CCDC3: variants seen among roughly 807,000 people sequenced by gnomAD.
The protein encoded by CCDC3 is coiled-coil domain-containing protein 3.
Under a neutral mutation model 21.4 loss-of-function variants are expected in CCDC3, and 24 were observed. The observed-to-expected ratio is 1.12, with a 90% CI of 0.81 to 1.58. CCDC3 has a LOEUF of 1.58. Among genes scored for constraint, CCDC3 ranks in the 40% most tolerant of loss-of-function variants. CCDC3 has a pLI of 0.00. For synonymous variants in CCDC3, 186 were observed against 166.0 expected, an observed-to-expected ratio of 1.12 and a Z score of -0.93; for missense variants, 425 against 360.9, an observed-to-expected ratio of 1.18 and a Z score of -1.44.
chr10:13,001,736 T>G (rs977717762), upstream of CCDC3: 1 of 341,610 alleles, frequency 2.9e-6, no homozygotes, highest in African/African-American at 2.2e-5. Flanking sequence ...CGCGCCACGC[T>G]TTAAAAGGGT....
intron 2 of CCDC3, among the ~76,000 whole-genome samples, chr10:12,935,827 G>A (rs1040183423): frequency 3.3e-5 from 5 of 151,998 alleles, no homozygotes; most frequent in South Asian, 2.1e-4. Context: ...CAGTGCGCCC[G>A]GCCAACCCAA....
At chr10:12,986,995 G>T (rs965293019) in intron 2 of CCDC3, among the ~76,000 whole-genome samples, 1 of 152,046 alleles carries the variant, frequency 6.6e-6, no homozygotes, top group African/African-American at 2.4e-5. Context: ...AATCTTCTTC[G>T]AGTGTGAACT....
intron 2 of CCDC3, among the ~76,000 whole-genome samples, chr10:12,944,465 T>C (rs1271263015): frequency 2.0e-5 from 3 of 152,158 alleles, no homozygotes; most frequent in African/African-American, 7.2e-5. Context: ...AGCCCCTGCT[T>C]TGAGATGTCC....
At chr10:13,072,410 A>G (rs1289705975) in intron 4 of CCDC3, among the ~76,000 whole-genome samples, 2 of 152,206 alleles carry the variant, frequency 1.3e-5, no homozygotes, top group South Asian at 4.1e-4. Flanking sequence ...GGGGGGAATA[A>G]GACAGCCAAA....
intron 2 of CCDC3, among the ~76,000 whole-genome samples, chr10:12,926,542 G>T (rs1834542957): frequency 6.6e-6 from 1 of 152,132 alleles, no homozygotes; most frequent in Non-Finnish European, 1.5e-5. Context: ...TGTGTATCCT[G>T]TTGTTCTATT....
chr10:12,933,721 G>C (rs1201734598), intron 2 of CCDC3, among the ~76,000 whole-genome samples: 1 of 152,116 alleles, frequency 6.6e-6, no homozygotes, highest in Non-Finnish European at 1.5e-5. Flanking sequence ...GCCTCCCAAA[G>C]TCCTGGGATT....
At chr10:13,066,927 TAC>T (rs1836826930) in intron 4 of CCDC3, among the ~76,000 whole-genome samples, 2 of 152,300 alleles carry the variant, frequency 1.3e-5, no homozygotes, top group Admixed American at 1.3e-4. Flanking sequence ...TCAATGTGTC[TAC>T]ATATAATTCT....
At chr10:12,984,032 A>T (rs1269789993) in intron 2 of CCDC3, among the ~76,000 whole-genome samples, 1 of 152,228 alleles carries the variant, frequency 6.6e-6, no homozygotes, top group Non-Finnish European at 1.5e-5. Context: ...TTGAGCCAAG[A>T]TCGTGCCACT....
chr10:13,010,526 T>C (rs1228433214), intron 5 of CCDC3, among the ~76,000 whole-genome samples: 2 of 152,166 alleles, frequency 1.3e-5, no homozygotes, highest in Admixed American at 6.5e-5. Flanking sequence ...CTGGTGGAAA[T>C]GTAAATGGTA....
At chr10:13,053,852 A>G (rs1354185180) in intron 4 of CCDC3, among the ~76,000 whole-genome samples, 2 of 152,154 alleles carry the variant, frequency 1.3e-5, no homozygotes, top group Admixed American at 1.3e-4. Flanking sequence ...ACAAGGCAGT[A>G]GTGAGCCATG....
intron 5 of CCDC3, among the ~76,000 whole-genome samples, chr10:13,045,861 T>G (rs1016848638): frequency 1.3e-5 from 2 of 149,076 alleles, no homozygotes; most frequent in Non-Finnish European, 3.0e-5. Flanking sequence ...GAGGCCGAGA[T>G]GGGGGGATCA....
At chr10:12,909,688 C>T (rs959451229) in intron 2 of CCDC3, among the ~76,000 whole-genome samples, 4 of 152,132 alleles carry the variant, frequency 2.6e-5, no homozygotes, top group African/African-American at 7.2e-5. Context: ...AAGGCTGAAC[C>T]GTGGACTAAC....
intron 2 of CCDC3, among the ~76,000 whole-genome samples, chr10:12,909,316 C>T (rs770411258): frequency 6.6e-6 from 1 of 152,194 alleles, no homozygotes; most frequent in African/African-American, 2.4e-5. Context: ...GCTCAGCCTC[C>T]GTGGCATCCC....
chr10:13,066,158 A>C (rs1242274917), intron 4 of CCDC3, among the ~76,000 whole-genome samples: 1 of 145,678 alleles, frequency 6.9e-6, no homozygotes, highest in Non-Finnish European at 1.5e-5. Flanking sequence ...CAAGCACCCT[A>C]GGTGATTTTT....
intron 2 of CCDC3, among the ~76,000 whole-genome samples, chr10:12,995,246 T>C (rs1835743594): frequency 3.3e-5 from 5 of 152,174 alleles, no homozygotes; most frequent in Admixed American, 3.3e-4. Context: ...ATTTTTCTTG[T>C]TTTGCTTTGT....
Position 13,074,422 on chromosome 10 carries a change from G to A in CCDC3, c.-502-322C>T, listed in dbSNP as rs544236224. Among the ~76,000 whole-genome samples the A allele has an allele frequency of 1.0e-4, 14 of 135,512 alleles. No individual in the cohort carries two copies. The South Asian group carries it at 3.1e-3, about 30-fold the overall frequency. 88.9% of individuals were successfully genotyped at this position (135,512 alleles called of 152,430 possible). A position where few individuals can be genotyped will look rare whatever the true frequency, so the allele number is the denominator to read the frequency against. On this transcript the variant is annotated intron_variant, in intron 3 of 6. Transcript: ENST00000378839. ...GCTGGTCTCGAACTCCCGACTTCAG[G>A]TGATCCGCCCACCTCGACCTCCCAA...
intron 3 of CCDC3, among the ~76,000 whole-genome samples, chr10:13,077,865 G>A (rs922594563): frequency 1.3e-5 from 2 of 152,128 alleles, no homozygotes; most frequent in Non-Finnish European, 2.9e-5. Flanking sequence ...AATTCAAAAT[G>A]GATTAAATAC....
At chr10:12,979,569 T>C (rs1212980991) in intron 2 of CCDC3, among the ~76,000 whole-genome samples, 1 of 151,974 alleles carries the variant, frequency 6.6e-6, no homozygotes, top group African/African-American at 2.4e-5. Context: ...AGACAGGGTC[T>C]TGCTGTTGCC....
chr10:13,026,995 T>C (rs1342543744), intron 5 of CCDC3, among the ~76,000 whole-genome samples: 2 of 152,206 alleles, frequency 1.3e-5, no homozygotes, highest in Non-Finnish European at 2.9e-5. Flanking sequence ...CATAAGCAAT[T>C]AAGCAAAGGA....
Sources: allele counts gnomAD v4.1 joint callset (sites outside exome capture counted in the v4.1 genomes callset), GRCh38; gene constraint gnomAD v4.1.1; transcripts MANE v1.5; gene names NCBI Gene and HGNC (gene_info 2026-07-23, HGNC 2026-07-21).